The following SNAPC3 variants were observed in gnomAD, a reference collection of about 807,000 sequenced individuals.
SNAPC3 encodes the protein snRNA-activating protein complex subunit 3.
Under a neutral mutation model 47.7 loss-of-function variants are expected in SNAPC3, and 56 were observed. The ratio of observed to expected loss-of-function variants is 1.18; its 90% CI spans 0.95 to 1.47. The LOEUF is 1.47. SNAPC3 is among the 40% of genes most tolerant of loss of function. SNAPC3 has a pLI of 0.00. For missense variants in SNAPC3, 665 were observed against 511.3 expected (o/e 1.30, Z -2.90); for synonymous variants, 235 against 189.9 (o/e 1.24, Z -1.95).
chr9:15,443,146 CAGAGGGAGACTGTGGAGAGAGAGGG>C (rs1382763774), intron 3 of SNAPC3, among the ~76,000 whole-genome samples: 6 of 152,096 alleles, frequency 3.9e-5, no homozygotes, highest in Non-Finnish European at 8.8e-5. Context: ...GGCTCGGCAT[CAGAGGGAGACTGTGGAGAGAGAGGG>C]AGAGGGAGAC....
At chr9:15,457,025 T>C (rs2034848491) in intron 7 of SNAPC3, among the ~76,000 whole-genome samples, 2 of 152,202 alleles carry the variant, frequency 1.3e-5, no homozygotes, top group South Asian at 4.1e-4. Context: ...CTGAAGTCTG[T>C]CATCATTTAA....
intron 1 of SNAPC3, among the ~76,000 whole-genome samples, chr9:15,423,502 G>A (rs1218524085): frequency 2.6e-5 from 4 of 152,166 alleles, no homozygotes; most frequent in Non-Finnish European, 5.9e-5. Flanking sequence ...ACAGCGACGT[G>A]TACCTGCCAT....
At chr9:15,443,370 A>G (rs760518814) in intron 3 of SNAPC3, among the ~76,000 whole-genome samples, 6 of 152,112 alleles carry the variant, frequency 3.9e-5, no homozygotes, top group Non-Finnish European at 7.4e-5. Context: ...AGTTGTCCAT[A>G]CTTTCCTCTT....
At chr9:15,449,563 A>T (rs11788521) in intron 5 of SNAPC3, among the ~76,000 whole-genome samples, 1,468 of 39,498 alleles carry the variant, frequency 0.037, 160 homozygotes, top group South Asian at 0.078. Flanking sequence ...ATATATATAT[A>T]TTTTTTTTTT....
intron 4 of SNAPC3, among the ~76,000 whole-genome samples, chr9:15,445,125 T>A (rs1402125729): frequency 6.6e-6 from 1 of 152,206 alleles, no homozygotes; most frequent in Admixed American, 6.5e-5. Context: ...CTATCTGATG[T>A]CTTATTTTTA....
In SNAPC3 at chr9:15,447,141, A is replaced by G; in HGVS notation, c.629A>G (p.Gln210Arg). ...PYQTMLVLGSQKLTQLRDSIR... is the reference protein window; with the variant it reads ...PYQTMLVLGSRKLTQLRDSIR... Reference sequence around the variant, plus strand: ...CAAACAATGCTGGTGTTGGGCAGTCAAAAACTCACACAACTGAGGGATTCA... The same window carrying G: ...CAAACAATGCTGGTGTTGGGCAGTCGAAAACTCACACAACTGAGGGATTCA... The change falls in exon 5 of 9, where the codon CAA becomes CGA. Residue 210 changes from glutamine (Q) to arginine (R), a missense_variant. By Grantham distance (43) the Gln-to-Arg change is conservative (BLOSUM62 1). Transcript: ENST00000380821. The G allele has an allele frequency of 6.2e-7, 1 of 1,613,716 alleles. No individual in the cohort carries two copies. The highest frequency in any genetic ancestry group is 8.5e-7 in the Non-Finnish European group (1 of 1,179,568).
At chr9:15,456,958 G>A (rs1196088344) in intron 7 of SNAPC3, among the ~76,000 whole-genome samples, 1 of 152,070 alleles carries the variant, frequency 6.6e-6, no homozygotes, top group Non-Finnish European at 1.5e-5. Context: ...TCAAATTTTA[G>A]AATTGTTAGA....
chr9:15,455,702 TC>T (rs2034728129), intron 7 of SNAPC3, among the ~76,000 whole-genome samples: 2 of 152,002 alleles, frequency 1.3e-5, no homozygotes, highest in East Asian at 3.9e-4. Context: ...CATATATTTT[TC>T]TTTTTTTTTT....
intron 2 of SNAPC3, 95 bp from the exon 3 acceptor site, chr9:15,433,457 T>TAAAAAAAAAAAAAAAAAA (rs2032417025): frequency 2.5e-6 from 2 of 809,696 alleles, no homozygotes; most frequent in African/African-American, 3.5e-5. Flanking sequence ...TAAAATTAGT[T>TAAAAAAAAAAAAAAAAAA]CAAAATAAAA....
intron 1 of SNAPC3, among the ~76,000 whole-genome samples, chr9:15,423,497 G>T (rs1194202874): frequency 2.6e-4 from 39 of 152,118 alleles, no homozygotes; most frequent in Admixed American, 2.6e-3. Flanking sequence ...GGGCAACAGC[G>T]ACGTGTACCT....
At chr9:15,454,882 T>C (rs1178629885) in intron 7 of SNAPC3, among the ~76,000 whole-genome samples, 1 of 152,030 alleles carries the variant, frequency 6.6e-6, no homozygotes, top group Non-Finnish European at 1.5e-5. Context: ...TGCAGTGAGC[T>C]GAGATCGTGC....
At chr9:15,443,880 G>A (rs941608321) in intron 3 of SNAPC3, among the ~76,000 whole-genome samples, 3 of 152,172 alleles carry the variant, frequency 2.0e-5, no homozygotes, top group African/African-American at 4.8e-5. Flanking sequence ...AACTTCTCTC[G>A]TCATCAAACA....
chr9:15,450,857 C>G (rs2034332754), intron 5 of SNAPC3, among the ~76,000 whole-genome samples: 1 of 152,124 alleles, frequency 6.6e-6, no homozygotes, highest in Non-Finnish European at 1.5e-5. Flanking sequence ...AACTACAGTA[C>G]CTGGGGCAAG....
At chr9:15,434,224 A>T (rs1310516121) in intron 3 of SNAPC3, among the ~76,000 whole-genome samples, 1 of 152,136 alleles carries the variant, frequency 6.6e-6, no homozygotes, top group African/African-American at 2.4e-5. Context: ...CAATGCTGTA[A>T]ATCATCACCA....
intron 4 of SNAPC3, 32 bp from the exon 5 acceptor site, chr9:15,447,063 A>T (rs915160424): frequency 6.9e-6 from 11 of 1,598,082 alleles, no homozygotes; most frequent in African/African-American, 1.3e-5. Flanking sequence ...CTTTGTCTCT[A>T]AATGAACACT....
chr9:15,433,419 A>G, intron 2 of SNAPC3, 133 bp from the exon 3 acceptor site: 1 of 671,682 alleles, frequency 1.5e-6, no homozygotes, highest in South Asian at 1.7e-5. Context: ...CAAGAGATAG[A>G]AGGGAACTTT....
At position 15,434,141 on chromosome 9, in the gene SNAPC3, A is replaced by G. The variant is rs372461317; in HGVS notation, c.477+505A>G. On this transcript the variant is annotated intron_variant, in intron 3 of 8. Coordinates refer to ENST00000380821, the MANE Select transcript of SNAPC3 (RefSeq NM_001039697.2). The stretch of plus-strand genomic sequence containing the variant: ...CACTTATTTTACTTTTATTGTGGTA[A>G]AATTTACATAACATAAAATTTACCA... Among the ~76,000 whole-genome samples the G allele has an allele frequency of 2.0e-4, 30 of 152,310 alleles. No homozygotes were observed. In the East Asian group the frequency reaches 5.4e-3, roughly 27 times the overall value.
intron 5 of SNAPC3, 51 bp downstream of exon 5, chr9:15,447,295 T>C (rs951674854): frequency 7.9e-6 from 12 of 1,522,512 alleles, no homozygotes; most frequent in Admixed American, 1.7e-5. Context: ...GCTAAGAAAA[T>C]AGCGATTACT....
At chr9:15,445,521 C>T (rs1363740174) in intron 4 of SNAPC3, among the ~76,000 whole-genome samples, 1 of 152,002 alleles carries the variant, frequency 6.6e-6, no homozygotes, top group Non-Finnish European at 1.5e-5. Context: ...TTCTTGATTC[C>T]TTAAATAGAT....
Sources: allele counts gnomAD v4.1 joint callset (sites outside exome capture counted in the v4.1 genomes callset), GRCh38; gene constraint gnomAD v4.1.1; transcripts MANE v1.5; gene names NCBI Gene and HGNC (gene_info 2026-07-23, HGNC 2026-07-21).